ZFPM2: variants seen among roughly 807,000 people sequenced by gnomAD.
The protein encoded by ZFPM2 is zinc finger protein, FOG family member 2.
In ZFPM2, 20 loss-of-function variants were observed where a neutral mutation model predicts 98.6. That is an observed-to-expected ratio of 0.20 (90% CI 0.14 to 0.29). The LOEUF is 0.29. Among genes scored for constraint, ZFPM2 ranks in the 10% least tolerant of loss-of-function variants. The probability of loss-of-function intolerance (pLI) is 1.00; values close to 1 mark genes in which losing one functional copy is unlikely to be tolerated. For missense variants in ZFPM2, 1,310 were observed against 1,388.6 expected (o/e 0.94, Z 0.90); for synonymous variants, 518 against 502.7 (o/e 1.03, Z -0.41).
chr8:105,497,926 C>T (rs1813507626), intron 3 of ZFPM2, among the ~76,000 whole-genome samples: 1 of 151,552 alleles, frequency 6.6e-6, no homozygotes, highest in South Asian at 2.1e-4. Context: ...GTGGCTCATG[C>T]CTGTAATCTC....
chr8:105,697,326 T>C (rs1326453816), intron 5 of ZFPM2, among the ~76,000 whole-genome samples: 4 of 152,210 alleles, frequency 2.6e-5, no homozygotes, highest in African/African-American at 9.6e-5. Flanking sequence ...GCAGATGTAG[T>C]TGCCTTTGGT....
At position 105,330,631 on chromosome 8, in the gene ZFPM2, TAC is replaced by T. The variant is rs374792181; in HGVS notation, c.40+11652_40+11653del. ...ATATACACATATATATATATATATA[TAC>T]ATATATATATATATATTTTTCAGGA... On this transcript the variant is annotated intron_variant, in intron 1 of 7. Coordinates refer to ENST00000407775, the MANE Select transcript of ZFPM2 (RefSeq NM_012082.4). 4.0e-3 allele frequency among the ~76,000 whole-genome samples: 248 copies of T among 61,998 alleles called. 2 individuals are homozygous for T. The highest frequency in any genetic ancestry group is 0.01 in the Admixed American group (63 of 6,174). 40.7% of individuals were successfully genotyped at this position (61,998 alleles called of 152,430 possible). A position where few individuals can be genotyped will look rare whatever the true frequency, so the allele number is the denominator to read the frequency against.
chr8:105,796,451 T>C (rs1482049640), intron 6 of ZFPM2, among the ~76,000 whole-genome samples: 1 of 152,226 alleles, frequency 6.6e-6, no homozygotes, highest in African/African-American at 2.4e-5. Context: ...GCCTCATGAA[T>C]AGTGTAAATG....
At chr8:105,441,055 T>C (rs11997844) in intron 2 of ZFPM2, among the ~76,000 whole-genome samples, 38,485 of 151,836 alleles carry the variant, frequency 0.25, 5,121 homozygotes, top group Admixed American at 0.32. Flanking sequence ...CTTGGGAGGC[T>C]GAGGCAGAAG....
At chr8:105,761,795 T>C (rs184951444) in intron 5 of ZFPM2, among the ~76,000 whole-genome samples, 8 of 152,096 alleles carry the variant, frequency 5.3e-5, no homozygotes, top group South Asian at 2.1e-4. Flanking sequence ...TATAACATTT[T>C]GTAAAAAGTT....
At chr8:105,717,843 A>T (rs1455290116) in intron 5 of ZFPM2, among the ~76,000 whole-genome samples, 1 of 151,822 alleles carries the variant, frequency 6.6e-6, no homozygotes, top group African/African-American at 2.4e-5. Flanking sequence ...AGATATGTAA[A>T]TGTAGTATCC....
At chr8:105,468,016 C>T (rs1812826214) in intron 3 of ZFPM2, among the ~76,000 whole-genome samples, 1 of 152,024 alleles carries the variant, frequency 6.6e-6, no homozygotes, top group African/African-American at 2.4e-5. Context: ...ACCATTCTGT[C>T]TCCACTATCA....
At chr8:105,793,483 G>A (rs182024845) in intron 6 of ZFPM2, among the ~76,000 whole-genome samples, 1 of 152,218 alleles carries the variant, frequency 6.6e-6, no homozygotes, top group African/African-American at 2.4e-5. Flanking sequence ...TTCCCTTTGT[G>A]GGTAACCCGT....
chr8:105,554,794 T>C (rs1315027034), intron 3 of ZFPM2, among the ~76,000 whole-genome samples: 1 of 152,198 alleles, frequency 6.6e-6, no homozygotes, highest in Non-Finnish European at 1.5e-5. Context: ...TAATGGTGAA[T>C]TCAGGTGAAG....
intron 1 of ZFPM2, among the ~76,000 whole-genome samples, chr8:105,384,854 T>A (rs2129897883): frequency 6.6e-6 from 1 of 152,150 alleles, no homozygotes; most frequent in African/African-American, 2.4e-5. Context: ...TCTTGAAAAA[T>A]AAATTTAGAT....
At chr8:105,498,491 A>G (rs984439219) in intron 3 of ZFPM2, among the ~76,000 whole-genome samples, 6 of 152,370 alleles carry the variant, frequency 3.9e-5, no homozygotes, top group Admixed American at 2.0e-4. Flanking sequence ...TCATCTGTCC[A>G]GTACACTTTA....
intron 4 of ZFPM2, among the ~76,000 whole-genome samples, chr8:105,580,827 C>CTATATATATATATA (rs3049323): frequency 1.4e-4 from 18 of 131,472 alleles, no homozygotes; most frequent in African/African-American, 5.1e-4. Flanking sequence ...CTCTCTCTCT[C>CTATATATATATATA]TATATATATA....
intron 5 of ZFPM2, among the ~76,000 whole-genome samples, chr8:105,700,744 C>T (rs2130956340): frequency 6.6e-6 from 1 of 152,108 alleles, no homozygotes; most frequent in East Asian, 1.9e-4. Flanking sequence ...TACAGCCGCG[C>T]ACCACCACGC....
At chr8:105,592,185 G>A (rs1815862900) in intron 4 of ZFPM2, among the ~76,000 whole-genome samples, 1 of 152,062 alleles carries the variant, frequency 6.6e-6, no homozygotes, top group African/African-American at 2.4e-5. Context: ...AAAAGGTCAG[G>A]AGGCTGCTTT....
At chr8:105,420,867 CG>C (rs565486527) in intron 2 of ZFPM2, among the ~76,000 whole-genome samples, 1 of 151,942 alleles carries the variant, frequency 6.6e-6, no homozygotes, top group Non-Finnish European at 1.5e-5. Flanking sequence ...AAAGAGTTAA[CG>C]TATGGATTTA....
chr8:105,792,339 C>T (rs772877532), intron 6 of ZFPM2, among the ~76,000 whole-genome samples: 10 of 152,120 alleles, frequency 6.6e-5, no homozygotes, highest in Non-Finnish European at 1.2e-4. Context: ...GCCTTCATTT[C>T]GTTACGTACC....
chr8:105,692,618 A>G (rs7008088), intron 5 of ZFPM2, among the ~76,000 whole-genome samples: 15,818 of 152,268 alleles, frequency 0.1, 877 homozygotes, highest in Middle Eastern at 0.17. Flanking sequence ...TTCTGCCTGT[A>G]CAAAGCCAAA....
In ZFPM2 at chr8:105,527,414, A is replaced by G. The variant is rs182234845; in HGVS notation, c.302-33949A>G. 8.5e-5 allele frequency among the ~76,000 whole-genome samples: 13 copies of G among 152,346 alleles called. No homozygotes were observed. In the East Asian group the frequency reaches 2.1e-3, roughly 25 times the overall value. On this transcript the variant is annotated intron_variant, in intron 3 of 7. Coordinates refer to ENST00000407775, the MANE Select transcript of ZFPM2 (RefSeq NM_012082.4). ...GCAAAGTTCTCTTGTTTTTTCACTC[A>G]AAGAGTGGATAACTATATGGATTTA...
At chr8:105,393,292 A>T (rs1811143473) in intron 1 of ZFPM2, among the ~76,000 whole-genome samples, 1 of 147,274 alleles carries the variant, frequency 6.8e-6, no homozygotes, top group South Asian at 2.2e-4. Flanking sequence ...TATTCTTCAG[A>T]ATGTCTTCCT....
Sources: gnomAD v4.1 joint callset for allele counts (sites outside exome capture counted in the v4.1 genomes callset) on GRCh38, gnomAD v4.1.1 for gene constraint, MANE v1.5 for transcripts, NCBI Gene and HGNC (gene_info 2026-07-23, HGNC 2026-07-21) for gene names.